STAT3: variants seen among roughly 807,000 people sequenced by gnomAD.
STAT3 encodes signal transducer and activator of transcription 3, also known as DNA-binding protein APRF.
A neutral mutation model predicts 114.3 loss-of-function variants in STAT3; 7 were observed. The ratio of observed to expected loss-of-function variants is 0.06; its 90% CI spans 0.03 to 0.11. STAT3 has a LOEUF of 0.11. STAT3 is among the 10% of genes least tolerant of loss of function. The probability of loss-of-function intolerance (pLI) is 1.00; values close to 1 mark genes in which losing one functional copy is unlikely to be tolerated. For synonymous variants in STAT3, 331 were observed against 354.5 expected (o/e 0.93, Z 0.74); for missense variants, 364 against 960.9 (o/e 0.38, Z 8.21).
intron 1 of STAT3, among the ~76,000 whole-genome samples, chr17:42,368,819 T>C (rs1043310647): frequency 2.6e-5 from 4 of 152,010 alleles, no homozygotes; most frequent in African/African-American, 9.7e-5. Flanking sequence ...GAGGGGTTTG[T>C]TGTACAGCTT....
At chr17:42,344,070 A>G (rs1372862381) in intron 4 of STAT3, among the ~76,000 whole-genome samples, 1 of 152,124 alleles carries the variant, frequency 6.6e-6, no homozygotes, top group East Asian at 1.9e-4. Flanking sequence ...ATAGTGTTTC[A>G]CCACTGTGCA....
chr17:42,321,456 G>A (rs1358244161), intron 21 of STAT3, among the ~76,000 whole-genome samples: 1 of 151,928 alleles, frequency 6.6e-6, no homozygotes, highest in Admixed American at 6.6e-5. Flanking sequence ...ATAAGTACAT[G>A]TCCTCTTACA....
Position 42,333,922 on chromosome 17 carries a change from T to C in STAT3, c.925A>G (p.Ile309Val). 1 of 1,614,166 alleles carries C rather than the reference T, an allele frequency of 6.2e-7. No homozygotes were observed. Among genetic ancestry groups the C allele is most frequent in the Non-Finnish European group, 8.5e-7 (1 of 1,180,026 alleles). The change falls in exon 9 of 24, where the codon ATC (isoleucine) becomes GTC (valine). Residue 309 changes from isoleucine to valine, a missense_variant. This residue lies in a region of STAT3 where 294 missense variants were observed against 745.1 expected (regional missense o/e 0.39). Coordinates refer to ENST00000264657, the MANE Select transcript of STAT3 (RefSeq NM_139276.3). This position sits in a 1 kb window ranked among gnomAD's most constrained non-coding sequence, Gnocchi z 5.2. Reference protein sequence around the residue: ...VQHRPMLEERIVELFRNLMKS... With the variant: ...VQHRPMLEERVVELFRNLMKS... The stretch of plus-strand genomic sequence containing the variant: ...ATTAAGTTTCTAAACAGCTCCACGA[T>C]TCTCTCCTCCAGCATCGGCCGGTGC...
chr17:42,375,656 C>T (rs2145307262), intron 1 of STAT3, among the ~76,000 whole-genome samples: 1 of 151,618 alleles, frequency 6.6e-6, no homozygotes, highest in African/African-American at 2.4e-5. Flanking sequence ...TGGAGAAACC[C>T]CCATCTCTAA....
rs2144889897 is a variant in STAT3, at chr17:42,338,958, A to G, written c.469-146T>C. The G allele has an allele frequency of 5.3e-6, 4 of 748,530 alleles. No individual in the cohort carries two copies. The East Asian group carries it at 8.0e-5, about 15-fold the overall frequency. The allele number at this position is 748,530 out of a possible 1,614,324, so 46.4% of individuals were successfully genotyped here. A position where few individuals can be genotyped will look rare whatever the true frequency, so the allele number is the denominator to read the frequency against. On this transcript the variant is annotated intron_variant, in intron 5 of 23. Coordinates refer to ENST00000264657, the MANE Select transcript of STAT3 (RefSeq NM_139276.3). ...ACCTGCAGGCAGTATCCCCAAGAGA[A>G]GGCTCCCTGTTGGCCAGGTGCAGTG...
At chr17:42,331,406 T>G (rs2082005208) in intron 11 of STAT3, 66 bp downstream of exon 11, 1 of 1,369,476 alleles carries the variant, frequency 7.3e-7, no homozygotes, top group Non-Finnish European at 1.0e-6. Context: ...GTTCAAATGA[T>G]GTCTGTCAAA....
chr17:42,324,267 C>T lies in STAT3; in HGVS notation c.1600+444G>A, dbSNP rs2081606384. ...CCAGAAGGCGGAGGTTGCAGTGAGC[C>T]GAGATCACACTACTGCACTCCAGCC... is the stretch of plus-strand genomic sequence containing the variant. On this transcript the variant is annotated intron_variant, in intron 17 of 23. Coordinates refer to ENST00000264657, the MANE Select transcript of STAT3 (RefSeq NM_139276.3). The surrounding 1 kb of genome is among the most constrained non-coding windows in gnomAD (Gnocchi z 4.5). 6.6e-6 allele frequency among the ~76,000 whole-genome samples: 1 copy of T among 151,056 alleles called. No individual in the cohort carries two copies. The highest frequency in any genetic ancestry group is 1.5e-5 in the Non-Finnish European group (1 of 67,750).
At position 42,331,468 on chromosome 17, in the gene STAT3, T is replaced by C; in HGVS notation, c.1109+4A>G. ...AAAAACAGAGCTAAGATAGGAGTACTTACTTGTCAATGCACACTTTAATTT... is the reference window on the plus strand; with the variant it reads ...AAAAACAGAGCTAAGATAGGAGTACCTACTTGTCAATGCACACTTTAATTT... On this transcript the variant is annotated splice_donor_region_variant and intron_variant, in intron 11 of 23. Coordinates refer to ENST00000264657, the MANE Select transcript of STAT3 (RefSeq NM_139276.3). 6.2e-7 allele frequency: 1 copy of C among 1,612,842 alleles called. No individual in the cohort carries two copies. Among genetic ancestry groups the C allele is most frequent in the Non-Finnish European group, 8.5e-7 (1 of 1,178,920 alleles).
chr17:42,330,002 CTTA>C (rs1246352478), intron 11 of STAT3, among the ~76,000 whole-genome samples: 1 of 152,220 alleles, frequency 6.6e-6, no homozygotes, highest in African/African-American at 2.4e-5. Flanking sequence ...TGCATATGTA[CTTA>C]TTAAACCTAC....
At position 42,323,234 on chromosome 17, in the gene STAT3, A is replaced by G. The variant is rs770938295; in HGVS notation, c.1748+26T>C. 2.8e-5 allele frequency: 45 copies of G among 1,614,028 alleles called. No individual in the cohort carries two copies. In the East Asian group the frequency reaches 8.9e-4, roughly 32 times the overall value. On this transcript the variant is annotated intron_variant, in intron 19 of 23. Coordinates refer to ENST00000264657, the MANE Select transcript of STAT3 (RefSeq NM_139276.3). ...TGCTGAGAGCAGGGGACTTGGTTAC[A>G]TCTGTGCACACTCTGTCCAACCTAC... is the stretch of plus-strand genomic sequence containing the variant.
chr17:42,356,540 T>TATATATATA (rs60663311), intron 1 of STAT3, among the ~76,000 whole-genome samples: 2 of 118,884 alleles, frequency 1.7e-5, no homozygotes, highest in East Asian at 4.3e-4. Context: ...TATATATATA[T>TATATATATA]TTTTTTTTTT....
chr17:42,347,762 T>C (rs1041764964), intron 2 of STAT3, among the ~76,000 whole-genome samples: 4 of 152,172 alleles, frequency 2.6e-5, no homozygotes, highest in Non-Finnish European at 5.9e-5. Context: ...TAAAAGTGTG[T>C]GGCACCTCCC....
chr17:42,323,892 T>C (rs943140322), intron 17 of STAT3, among the ~76,000 whole-genome samples: 5 of 152,216 alleles, frequency 3.3e-5, no homozygotes, highest in Non-Finnish European at 7.3e-5. Context: ...GGTGGTAGGC[T>C]GGGAACCAAC....
chr17:42,321,289 T>A (rs902427663), intron 21 of STAT3, among the ~76,000 whole-genome samples: 7 of 151,156 alleles, frequency 4.6e-5, no homozygotes, highest in African/African-American at 7.3e-5. Context: ...GTGGCTAATT[T>A]AAAAAAAATT....
chr17:42,382,939 GGCTGGGTAAGAGTT>G (rs1166115308), intron 1 of STAT3, among the ~76,000 whole-genome samples: 1 of 151,950 alleles, frequency 6.6e-6, no homozygotes, highest in Non-Finnish European at 1.5e-5. Context: ...CACCACACCC[GGCTGGGTAAGAGTT>G]GCAGTAATCC....
Position 42,324,867 on chromosome 17 carries a change from G to A in STAT3, c.1465-21C>T, listed in dbSNP as rs758966847. The A allele has an allele frequency of 1.9e-5, 30 of 1,614,186 alleles. 3 individuals are homozygous for A. The African/African-American group carries it at 2.1e-4, about 11-fold the overall frequency. ...ACATTCTATTGGAAAGAACACATTT[G>A]CTTGTTTAGATGAGGGATGGTGCTC... On this transcript the variant is annotated intron_variant, in intron 16 of 23. Coordinates refer to ENST00000264657, the MANE Select transcript of STAT3 (RefSeq NM_139276.3). This position sits in a 1 kb window ranked among gnomAD's most constrained non-coding sequence, Gnocchi z 4.5.
intron 1 of STAT3, among the ~76,000 whole-genome samples, chr17:42,386,153 C>G (rs1238527998): frequency 6.6e-6 from 1 of 151,916 alleles, no homozygotes; most frequent in Non-Finnish European, 1.5e-5. Flanking sequence ...TGGTGGCGCA[C>G]GCCTGTAGTC....
chr17:42,314,146 G>T lies in STAT3; in HGVS notation c.*1599C>A, dbSNP rs763077835. The T allele has an allele frequency of 1.7e-5, 4 of 232,308 alleles. No homozygotes were observed. Among genetic ancestry groups the T allele is most frequent in the Non-Finnish European group, 3.4e-5 (4 of 117,332 alleles). The allele number at this position is 232,308 out of a possible 1,614,324, so 14.4% of individuals were successfully genotyped here. On this transcript the variant is annotated 3_prime_UTR_variant, in exon 24 of 24. Coordinates refer to ENST00000264657, the MANE Select transcript of STAT3 (RefSeq NM_139276.3). The stretch of plus-strand genomic sequence containing the variant: ...TGCCTCACCTGTGGGGCCCCAGCAG[G>T]GAGGAGTCACCAGCCTCAGAGGGAG...
At chr17:42,357,021 G>A (rs978808164) in intron 1 of STAT3, among the ~76,000 whole-genome samples, 1 of 151,504 alleles carries the variant, frequency 6.6e-6, no homozygotes, top group Non-Finnish European at 1.5e-5. Context: ...CTCCTGACCT[G>A]AGGTGATCTG....
Sources: gnomAD v4.1 joint callset for allele counts (sites outside exome capture counted in the v4.1 genomes callset) on GRCh38, gnomAD v4.1.1 for gene constraint, gnomAD v4.1.1 regional missense constraint, Gnocchi (gnomAD v3.1) non-coding constraint, MANE v1.5 for transcripts, NCBI Gene and HGNC (gene_info 2026-07-23, HGNC 2026-07-21) for gene names.